The following ZBTB20 variants were observed in gnomAD, a reference collection of about 807,000 sequenced individuals.
The protein encoded by ZBTB20 is zinc finger and BTB domain-containing protein 20.
In ZBTB20, 9 loss-of-function variants were observed where a neutral mutation model predicts 56.9. The observed-to-expected ratio is 0.16, with a 90% CI of 0.10 to 0.28. The LOEUF (loss-of-function observed/expected upper bound fraction) is 0.28. ZBTB20 is among the 10% of genes least tolerant of loss of function. The pLI is 1.00. For missense variants in ZBTB20, 655 were observed against 1,003.0 expected (o/e 0.65, Z 4.69); for synonymous variants, 417 against 420.7 (o/e 0.99, Z 0.11).
At chr3:115,005,494 A>T (rs184237065) in intron 2 of ZBTB20, among the ~76,000 whole-genome samples, 1 of 151,918 alleles carries the variant, frequency 6.6e-6, no homozygotes, top group East Asian at 2.0e-4. Flanking sequence ...ATTTTAAAAT[A>T]AGTTATTTGT....
At chr3:114,357,220 A>T (rs1358986165) in intron 10 of ZBTB20, 1 of 152,174 alleles carries the variant, frequency 6.6e-6, no homozygotes, top group South Asian at 2.1e-4. Context: ...ACGTTTTTTT[A>T]GCCATTGGTA....
At chr3:114,785,991 T>G (rs1389834534) in intron 5 of ZBTB20, among the ~76,000 whole-genome samples, 1 of 151,682 alleles carries the variant, frequency 6.6e-6, no homozygotes, top group Non-Finnish European at 1.5e-5. Flanking sequence ...TGAAATCTAC[T>G]TTTTTTTTCT....
intron 4 of ZBTB20, among the ~76,000 whole-genome samples, chr3:114,850,482 A>T (rs2074944866): frequency 6.6e-6 from 1 of 152,204 alleles, no homozygotes; most frequent in Non-Finnish European, 1.5e-5. Flanking sequence ...TAATATGTAT[A>T]CACCCATTTA....
chr3:114,657,321 G>A (rs949054384), intron 6 of ZBTB20, among the ~76,000 whole-genome samples: 1 of 152,074 alleles, frequency 6.6e-6, no homozygotes, highest in Middle Eastern at 3.2e-3. Flanking sequence ...TATTTCTAAG[G>A]TTTGATCCTT....
chr3:114,705,040 T>C (rs2063631117), intron 5 of ZBTB20, among the ~76,000 whole-genome samples: 1 of 152,158 alleles, frequency 6.6e-6, no homozygotes, highest in Non-Finnish European at 1.5e-5. Context: ...GGTATTATTA[T>C]TCAAAATCTT....
chr3:114,991,804 T>C (rs1283638842), intron 2 of ZBTB20, among the ~76,000 whole-genome samples: 1 of 152,126 alleles, frequency 6.6e-6, no homozygotes, highest in Non-Finnish European at 1.5e-5. Flanking sequence ...TGGGTGCATA[T>C]ATATTTAGGA....
rs1391577974 is a variant in ZBTB20 at position 114,403,389 on chromosome 3, G to A, written c.-254-14284C>T. On this transcript the variant is annotated intron_variant, in intron 7 of 11. Coordinates refer to ENST00000675478, the MANE Select transcript of ZBTB20 (RefSeq NM_001348800.3). ...GCCATATTGGTAATAATTGGAACTG[G>A]TGATATCGATAGCAGTGGGAATAAC... Among the ~76,000 whole-genome samples, 3 of 152,138 alleles carry A rather than the reference G, an allele frequency of 2.0e-5. No homozygotes were observed. In the East Asian group the frequency reaches 5.8e-4, roughly 29 times the overall value.
At chr3:114,608,710 C>A (rs1480877949) in intron 6 of ZBTB20, among the ~76,000 whole-genome samples, 1 of 152,172 alleles carries the variant, frequency 6.6e-6, no homozygotes, top group Non-Finnish European at 1.5e-5. Flanking sequence ...AAGCACCAAC[C>A]TGTAATTCCC....
chr3:114,487,379 C>T (rs534808464), intron 7 of ZBTB20, among the ~76,000 whole-genome samples: 61 of 152,194 alleles, frequency 4.0e-4, no homozygotes, highest in Non-Finnish European at 8.2e-4. Context: ...CTTCCATTCT[C>T]CTTAGCTTGT....
intron 6 of ZBTB20, among the ~76,000 whole-genome samples, chr3:114,642,235 C>G (rs1051464098): frequency 6.6e-6 from 1 of 152,034 alleles, no homozygotes; most frequent in Non-Finnish European, 1.5e-5. Context: ...CATTAGAAAT[C>G]TTCTCCAATC....
chr3:114,800,591 C>G (rs2071637239), intron 5 of ZBTB20, among the ~76,000 whole-genome samples: 1 of 151,694 alleles, frequency 6.6e-6, no homozygotes, highest in South Asian at 2.1e-4. Context: ...TTAGTTTTGC[C>G]CAAAGTCCTC....
chr3:114,774,490 T>A (rs2069444719), intron 5 of ZBTB20, among the ~76,000 whole-genome samples: 1 of 152,128 alleles, frequency 6.6e-6, no homozygotes, highest in Admixed American at 6.5e-5. Flanking sequence ...AATACCACAT[T>A]CTGCTTCCTA....
chr3:114,456,167 C>G (rs72950686), intron 7 of ZBTB20, among the ~76,000 whole-genome samples: 1 of 151,500 alleles, frequency 6.6e-6, no homozygotes, highest in Admixed American at 6.6e-5. Flanking sequence ...TATATAAATA[C>G]ATTTCCACTT....
At chr3:114,780,638 C>T (rs184515876) in intron 5 of ZBTB20, among the ~76,000 whole-genome samples, 105 of 152,246 alleles carry the variant, frequency 6.9e-4, no homozygotes, top group African/African-American at 2.3e-3. Context: ...CAGACATGCA[C>T]CACCATGCCC....
At chr3:114,775,846 A>G (rs1004476358) in intron 5 of ZBTB20, among the ~76,000 whole-genome samples, 3 of 152,098 alleles carry the variant, frequency 2.0e-5, no homozygotes, top group Non-Finnish European at 4.4e-5. Flanking sequence ...ACACTGAGGA[A>G]AGGCAGAACT....
At chr3:115,080,880 G>A (rs1002019453) in intron 1 of ZBTB20, among the ~76,000 whole-genome samples, 1 of 151,914 alleles carries the variant, frequency 6.6e-6, no homozygotes, top group East Asian at 1.9e-4. Context: ...AAGCAGGGAG[G>A]GAAGCTAACA....
intron 7 of ZBTB20, among the ~76,000 whole-genome samples, chr3:114,411,339 T>A (rs2087926373): frequency 6.6e-6 from 1 of 152,050 alleles, no homozygotes; most frequent in Non-Finnish European, 1.5e-5. Flanking sequence ...TGAGGACAGT[T>A]TTCATGTTCC....
chr3:114,826,494 T>C (rs1205149206), intron 4 of ZBTB20, among the ~76,000 whole-genome samples: 1 of 151,788 alleles, frequency 6.6e-6, no homozygotes, highest in Non-Finnish European at 1.5e-5. Context: ...TTAGCATTCA[T>C]TCACCGAATC....
At chr3:115,020,708 A>G (rs1048081255) in intron 2 of ZBTB20, among the ~76,000 whole-genome samples, 1 of 150,930 alleles carries the variant, frequency 6.6e-6, no homozygotes, top group Non-Finnish European at 1.5e-5. Context: ...ATGTTTATTC[A>G]TCTCTACTTT....
Sources: allele counts gnomAD v4.1 joint callset (sites outside exome capture counted in the v4.1 genomes callset), GRCh38; gene constraint gnomAD v4.1.1; transcripts MANE v1.5; gene names NCBI Gene and HGNC (gene_info 2026-07-23, HGNC 2026-07-21).